SPECC1L: variants seen among roughly 807,000 people sequenced by gnomAD.
The protein encoded by SPECC1L is sperm antigen with calponin homology and coiled-coil domains 1 like.
SPECC1L carries 40 observed loss-of-function variants against 116.8 expected under a neutral mutation model. The ratio of observed to expected loss-of-function variants is 0.34; its 90% confidence interval spans 0.27 to 0.45. The LOEUF (loss-of-function observed/expected upper bound fraction) is 0.45. Among genes scored for constraint, SPECC1L ranks in the 20% least tolerant of loss-of-function variants. The pLI is 1.00. For synonymous variants in SPECC1L, 504 were observed against 500.6 expected (o/e 1.01, Z -0.09); for missense variants, 1,110 against 1,373.6 (o/e 0.81, Z 3.03).
At chr22:24,294,773 C>T (rs950028282) in intron 2 of SPECC1L, among the ~76,000 whole-genome samples, 3 of 152,106 alleles carry the variant, frequency 2.0e-5, no homozygotes, top group South Asian at 2.1e-4. Flanking sequence ...ATGGAATAAA[C>T]GTTTATTGAT....
intron 1 of SPECC1L, among the ~76,000 whole-genome samples, chr22:24,275,606 T>A (rs1168434953): frequency 6.6e-6 from 1 of 151,946 alleles, no homozygotes; most frequent in African/African-American, 2.4e-5. Flanking sequence ...TTTAAGAGAT[T>A]AAGATTAAAT....
At chr22:24,280,597 T>TCC (rs971266679) in intron 2 of SPECC1L, among the ~76,000 whole-genome samples, 67 of 150,776 alleles carry the variant, frequency 4.4e-4, no homozygotes, top group African/African-American at 1.6e-3. Context: ...TTTTTTTTTT[T>TCC]GAGACAGTGT....
chr22:24,355,477 A>G (rs1410624914), intron 11 of SPECC1L, among the ~76,000 whole-genome samples: 2 of 151,566 alleles, frequency 1.3e-5, no homozygotes, highest in Non-Finnish European at 2.9e-5. Context: ...CTACCTACCT[A>G]CCTACCTATC....
At chr22:24,298,135 T>C (rs2146391224) in intron 2 of SPECC1L, among the ~76,000 whole-genome samples, 1 of 152,296 alleles carries the variant, frequency 6.6e-6, no homozygotes. Context: ...ATAAATTACA[T>C]GAGGTGTTCA....
At chr22:24,295,410 T>TA (rs1417292016) in intron 2 of SPECC1L, among the ~76,000 whole-genome samples, 1 of 149,760 alleles carries the variant, frequency 6.7e-6, no homozygotes, top group East Asian at 1.9e-4. Context: ...GTTGCATGGG[T>TA]ATGTTGCACG....
At chr22:24,282,380 A>T (rs1415866448) in intron 2 of SPECC1L, among the ~76,000 whole-genome samples, 1 of 152,238 alleles carries the variant, frequency 6.6e-6, no homozygotes, top group Non-Finnish European at 1.5e-5. Flanking sequence ...ACTATAAACT[A>T]TAAGTTTCTC....
chr22:24,395,546 G>A (rs1190808750), intron 14 of SPECC1L, among the ~76,000 whole-genome samples: 1 of 152,178 alleles, frequency 6.6e-6, no homozygotes, highest in African/African-American at 2.4e-5. Context: ...AGAGGAAGAA[G>A]AGCAGATTTG....
intron 13 of SPECC1L, among the ~76,000 whole-genome samples, chr22:24,367,251 T>C (rs2041788051): frequency 6.6e-6 from 1 of 152,208 alleles, no homozygotes; most frequent in Middle Eastern, 3.2e-3. Flanking sequence ...TTGTTTTTGA[T>C]GTGCCTTTTT....
chr22:24,388,337 T>G (rs1230401148), intron 14 of SPECC1L, among the ~76,000 whole-genome samples: 3 of 134,460 alleles, frequency 2.2e-5, no homozygotes, highest in Non-Finnish European at 4.7e-5. Context: ...GCAGTGTTTG[T>G]TTTTTTTTTG....
chr22:24,337,701 C>T (rs1433496900), intron 9 of SPECC1L, among the ~76,000 whole-genome samples: 1 of 152,182 alleles, frequency 6.6e-6, no homozygotes, highest in Non-Finnish European at 1.5e-5. Context: ...CATCTTTCCA[C>T]ACTGTGTGTT....
At chr22:24,323,551 C>G (rs1350768969) in intron 5 of SPECC1L, among the ~76,000 whole-genome samples, 2 of 152,140 alleles carry the variant, frequency 1.3e-5, no homozygotes, top group East Asian at 3.8e-4. Flanking sequence ...CTATCTATAC[C>G]CCATGTGGTT....
intron 14 of SPECC1L, among the ~76,000 whole-genome samples, chr22:24,395,872 C>T (rs1398863254): frequency 1.3e-5 from 2 of 152,168 alleles, no homozygotes; most frequent in African/African-American, 4.8e-5. Flanking sequence ...AACTCTTGGC[C>T]TCAAGCAGTC....
At chr22:24,391,244 A>C (rs924462942) in intron 14 of SPECC1L, among the ~76,000 whole-genome samples, 4 of 151,270 alleles carry the variant, frequency 2.6e-5, no homozygotes, top group African/African-American at 9.7e-5. Flanking sequence ...AAGTGAAAGA[A>C]CTCTTTCCTG....
chr22:24,369,366 A>G (rs199649947), intron 14 of SPECC1L, 46 bp downstream of exon 14: 4 of 1,383,342 alleles, frequency 2.9e-6, no homozygotes, highest in South Asian at 1.2e-5. Flanking sequence ...TGGCAAACCA[A>G]CTGCTGGAGT....
At chr22:24,412,021 G>GTAGTC (rs2042707987) in intron 15 of SPECC1L, 1 of 436,366 alleles carries the variant, frequency 2.3e-6, no homozygotes, top group Admixed American at 3.5e-5. Flanking sequence ...GAAGGCAGGA[G>GTAGTC]TAGTCAGGCA....
chr22:24,326,351 T>A (rs918941129), intron 6 of SPECC1L, among the ~76,000 whole-genome samples: 1 of 152,260 alleles, frequency 6.6e-6, no homozygotes, highest in Non-Finnish European at 1.5e-5. Flanking sequence ...CCTCGTCTTA[T>A]GTCCAAAACC....
At chr22:24,302,073 T>C (rs1389552954) in intron 2 of SPECC1L, 122 bp from the exon 3 acceptor site, 2 of 803,618 alleles carry the variant, frequency 2.5e-6, no homozygotes, top group South Asian at 3.3e-5. Context: ...TTTTTTCAAC[T>C]TTTCTGTAGT....
At chr22:24,292,419 A>C (rs1198367629) in intron 2 of SPECC1L, among the ~76,000 whole-genome samples, 1 of 152,150 alleles carries the variant, frequency 6.6e-6, no homozygotes, top group Non-Finnish European at 1.5e-5. Flanking sequence ...TGGAAGTGGG[A>C]TATCAGGAGT....
chr22:24,305,923 TC>T (rs998476375), intron 3 of SPECC1L, among the ~76,000 whole-genome samples: 2 of 151,818 alleles, frequency 1.3e-5, no homozygotes, highest in African/African-American at 4.8e-5. Flanking sequence ...TTTCATACAA[TC>T]TTTTTTTTTT....
Sources: allele counts gnomAD v4.1 joint callset (sites outside exome capture counted in the v4.1 genomes callset), GRCh38; gene constraint gnomAD v4.1.1; transcripts MANE v1.5; gene names NCBI Gene and HGNC (gene_info 2026-07-23, HGNC 2026-07-21).